The following AP2A1 variants were observed in gnomAD, a reference collection of about 807,000 sequenced individuals.
AP2A1 encodes the protein AP-2 complex subunit alpha-1.
A neutral mutation model predicts 107.3 loss-of-function variants in AP2A1; 21 were observed. The observed-to-expected ratio is 0.20, with a 90% CI of 0.14 to 0.28. The LOEUF (loss-of-function observed/expected upper bound fraction) is 0.28, where lower values mean the gene tolerates loss of function less well. AP2A1 is among the 10% of genes least tolerant of loss of function. The probability of loss-of-function intolerance (pLI) is 1.00; values close to 1 mark genes in which losing one functional copy is unlikely to be tolerated. For missense variants in AP2A1, 873 were observed against 1,307.7 expected (o/e 0.67, Z 5.13); for synonymous variants, 602 against 564.8 (o/e 1.07, Z -0.93).
intron 6 of AP2A1, among the ~76,000 whole-genome samples, chr19:49,793,298 CCT>C (rs1269672129): frequency 6.6e-6 from 1 of 152,190 alleles, no homozygotes; most frequent in Non-Finnish European, 1.5e-5. Context: ...TCAGCTGCCC[CCT>C]GTGTTCAGTG....
chr19:49,773,430 T>A (rs2084585637), intron 1 of AP2A1, among the ~76,000 whole-genome samples: 1 of 152,224 alleles, frequency 6.6e-6, no homozygotes, highest in Non-Finnish European at 1.5e-5. Flanking sequence ...GCCCTGGGTC[T>A]CACTCCAGCT....
intron 18 of AP2A1, chr19:49,804,430 A>G (rs369540280): frequency 1.3e-5 from 2 of 151,090 alleles, no homozygotes; most frequent in South Asian, 4.2e-4. Flanking sequence ...AGTCCCAGCT[A>G]CTCGGGAGGC....
intron 1 of AP2A1, among the ~76,000 whole-genome samples, chr19:49,768,728 G>T (rs2084528249): frequency 6.6e-6 from 1 of 152,088 alleles, no homozygotes; most frequent in African/African-American, 2.4e-5. Context: ...GAGGAGCTGG[G>T]AGCCACTGTT....
Position 49,800,017 on chromosome 19 carries a change from G to C in AP2A1, c.1322G>C (p.Trp441Ser). ...LAEKYAVDYS[W>S]YVDTILNLIR... ...GAGAAGTACGCCGTGGACTACAGCT[G>C]GTACGTGGACACCATCCTCAACCTC... is the stretch of plus-strand genomic sequence containing the variant. Residue 441 changes from tryptophan (W) to serine (S), a missense_variant, in exon 11 of 23, where the codon TGG (tryptophan) becomes TCG (serine). Physicochemically the swap from Trp to Ser is radical, Grantham distance 177 (BLOSUM62 -3). Transcript: ENST00000354293. The C allele has an allele frequency of 1.9e-6, 3 of 1,614,036 alleles. No homozygotes were observed. The highest frequency in any genetic ancestry group is 2.5e-6 in the Non-Finnish European group (3 of 1,179,876).
chr19:49,798,387 G>A (rs1306240112), intron 7 of AP2A1, among the ~76,000 whole-genome samples: 1 of 152,128 alleles, frequency 6.6e-6, no homozygotes, highest in Admixed American at 6.6e-5. Context: ...TTTTTGTCAG[G>A]GGCTGCTCAG....
chr19:49,806,938 C>A lies in AP2A1; in HGVS notation c.*180C>A. On this transcript the variant is annotated 3_prime_UTR_variant, in exon 23 of 23. Transcript: ENST00000354293. Reference sequence around the variant, plus strand: ...TTGTTCATCTGCTGCTGTTTACATTCTGGGGGGTTAGGGGGAGTCCCCCTC... The same window carrying A: ...TTGTTCATCTGCTGCTGTTTACATTATGGGGGGTTAGGGGGAGTCCCCCTC... 2 of 1,534,400 alleles carry A rather than the reference C, an allele frequency of 1.3e-6. No individual in the cohort carries two copies. The highest frequency in any genetic ancestry group is 4.9e-5 in the East Asian group (2 of 40,884).
intron 6 of AP2A1, among the ~76,000 whole-genome samples, chr19:49,794,494 A>C (rs2073186460): frequency 6.6e-6 from 1 of 151,936 alleles, no homozygotes; most frequent in Non-Finnish European, 1.5e-5. Flanking sequence ...GAGCCACTGC[A>C]CTCAGCCTCA....
At chr19:49,776,953 GT>G (rs755575346) in intron 1 of AP2A1, among the ~76,000 whole-genome samples, 1 of 152,190 alleles carries the variant, frequency 6.6e-6, no homozygotes, top group Non-Finnish European at 1.5e-5. Flanking sequence ...GCCAGGTGCA[GT>G]GGCTCATGCC....
rs71180653 is a variant in AP2A1 at position 49,772,246 on chromosome 19, G to GTTTTT, written c.67+5073_67+5077dup. ...CAAATTTTTTTGTATTTTTCATAGA[G>GTTTTT]TTTTTTTTTTTTTTTTTTTTTTTTT... On this transcript the variant is annotated intron_variant, in intron 1 of 22. Transcript: ENST00000354293. 4.3e-4 allele frequency among the ~76,000 whole-genome samples: 24 copies of GTTTTT among 56,176 alleles called. 3 individuals are homozygous for GTTTTT. The highest frequency in any genetic ancestry group is 1.4e-3 in the African/African-American group (20 of 14,546). 36.9% of individuals were successfully genotyped at this position (56,176 alleles called of 152,430 possible). A position where few individuals can be genotyped will look rare whatever the true frequency, so the allele number is the denominator to read the frequency against.
intron 22 of AP2A1, 182 bp from the exon 23 acceptor site, chr19:49,806,498 CT>C: frequency 6.9e-7 from 1 of 1,446,506 alleles, no homozygotes; most frequent in Non-Finnish European, 9.1e-7. Flanking sequence ...CCACCTTTCT[CT>C]CATCTTTTAT....
chr19:49,801,649 C>CCCCAAGG, intron 13 of AP2A1, 28 bp downstream of exon 13: 1 of 1,543,812 alleles, frequency 6.5e-7, no homozygotes, highest in Non-Finnish European at 8.8e-7. Flanking sequence ...CCACCCCACC[C>CCCCAAGG]CTCTTGCACA....
chr19:49,799,857 G>A, intron 10 of AP2A1, 91 bp downstream of exon 10: 1 of 1,560,006 alleles, frequency 6.4e-7, no homozygotes, highest in South Asian at 1.2e-5. Flanking sequence ...AGGAGGGGCT[G>A]GGGCCTGGAC....
rs752207660 is a variant in AP2A1 at position 49,781,993 on chromosome 19, A to G, written c.183A>G (p.Lys61=). 2 of 1,610,204 alleles carry G rather than the reference A, an allele frequency of 1.2e-6. No individual in the cohort carries two copies. The highest frequency in any genetic ancestry group is 1.1e-5 in the South Asian group (1 of 90,334). Residue 61 remains lysine, a synonymous_variant, in exon 3 of 23, where the codon AAA becomes AAG. Transcript: ENST00000354293. ...DGYSKKKYVC[K]LLFIFLLGHD... ...ACAGTAAGAAAAAATATGTGTGTAAACTGCTTTTCATCTTCCTGCTTGGCC... is the reference window on the plus strand; with the variant it reads ...ACAGTAAGAAAAAATATGTGTGTAAGCTGCTTTTCATCTTCCTGCTTGGCC...
At position 49,781,839 on chromosome 19, in the gene AP2A1, C is replaced by T. The variant is rs144069642; in HGVS notation, c.136+14C>T. ...CCAAGTTCAAAGGTAGGCTGGGGGC[C>T]CAACTTCTGGTTCTGAGGGAGGAGG... On this transcript the variant is annotated intron_variant, in intron 2 of 22. Coordinates refer to ENST00000354293, the MANE Select transcript of AP2A1 (RefSeq NM_130787.3). 1,709 of 1,610,624 alleles carry T rather than the reference C, an allele frequency of 1.1e-3. 18 individuals carry two copies. In the African/African-American group the frequency reaches 0.021, roughly 20 times the overall value.
In AP2A1 at chr19:49,785,927, A is replaced by G. The variant is rs115692752; in HGVS notation, c.473+3203A>G. 6.6e-6 allele frequency among the ~76,000 whole-genome samples: 1 copy of G among 151,970 alleles called. No homozygotes were observed. Among genetic ancestry groups the G allele is most frequent in the African/African-American group, 2.4e-5 (1 of 41,444 alleles). On this transcript the variant is annotated intron_variant, in intron 4 of 22. Coordinates refer to ENST00000354293, the MANE Select transcript of AP2A1 (RefSeq NM_130787.3). The surrounding 1 kb of genome is among the most constrained non-coding windows in gnomAD (Gnocchi z 4.1). The stretch of plus-strand genomic sequence containing the variant: ...GCGAGACTCCATCTCAAAAAAAAAA[A>G]ACATTAGTGGGGTGCAGTGGTGCAC...
intron 1 of AP2A1, among the ~76,000 whole-genome samples, chr19:49,779,511 A>AAAAAAAAAAAAAAC (rs369375626): frequency 6.9e-6 from 1 of 145,426 alleles, no homozygotes; most frequent in African/African-American, 2.7e-5. Flanking sequence ...AAAAAAAAAA[A>AAAAAAAAAAAAAAC]CAGAAACAGG....
In AP2A1 at chr19:49,805,734, A is replaced by G. The variant is rs1230266461; in HGVS notation, c.2542A>G (p.Met848Val). 2.0e-6 allele frequency: 3 copies of G among 1,510,888 alleles called. No homozygotes were observed. Among genetic ancestry groups the G allele is most frequent in the Non-Finnish European group, 2.7e-6 (3 of 1,122,606 alleles). 93.6% of individuals were successfully genotyped at this position (1,510,888 alleles called of 1,614,324 possible). Reference sequence around the variant, plus strand: ...CAACAAGTTCTTCCAGCCCACCGAGATGGCGGCCCAGGATTTCTTCCAGCG... The same window carrying G: ...CAACAAGTTCTTCCAGCCCACCGAGGTGGCGGCCCAGGATTTCTTCCAGCG... ...TINKFFQPTE[M>V]AAQDFFQRWK... The change falls in exon 20 of 23, where the codon ATG (methionine) becomes GTG (valine). Residue 848 changes from methionine to valine, a missense_variant. Transcript: ENST00000354293.
intron 1 of AP2A1, among the ~76,000 whole-genome samples, chr19:49,771,393 A>C (rs2123660731): frequency 6.6e-6 from 1 of 151,796 alleles, no homozygotes; most frequent in East Asian, 1.9e-4. Context: ...AGAACGCTGA[A>C]TTGTTCACTG....
At position 49,795,730 on chromosome 19, in the gene AP2A1, C is replaced by A; in HGVS notation, c.806C>A (p.Pro269Gln). Reference protein sequence around the residue: ...VKLLRLLQCYPPPEDAAVKGR... With the variant: ...VKLLRLLQCYQPPEDAAVKGR... Reference sequence around the variant, plus strand: ...CTCCTGCGGCTGCTGCAGTGCTACCCGCCTCCAGGTAATGAACGCCGTGCA... The same window carrying A: ...CTCCTGCGGCTGCTGCAGTGCTACCAGCCTCCAGGTAATGAACGCCGTGCA... Residue 269 changes from proline to glutamine, a missense_variant, in exon 7 of 23, where the codon CCG becomes CAG. By Grantham distance (76) the Pro-to-Gln change is moderately conservative. Coordinates refer to ENST00000354293, the MANE Select transcript of AP2A1 (RefSeq NM_130787.3). The A allele has an allele frequency of 6.4e-7, 1 of 1,553,492 alleles. No homozygotes were observed. The highest frequency in any genetic ancestry group is 2.4e-5 in the East Asian group (1 of 41,460).
Sources: gnomAD v4.1 joint callset for allele counts (sites outside exome capture counted in the v4.1 genomes callset) on GRCh38, gnomAD v4.1.1 for gene constraint, Gnocchi (gnomAD v3.1) non-coding constraint, MANE v1.5 for transcripts, NCBI Gene and HGNC (gene_info 2026-07-23, HGNC 2026-07-21) for gene names.